RBFOX1: variants seen among roughly 807,000 people sequenced by gnomAD.
RBFOX1 encodes RNA binding fox-1 homolog 1, also known as RNA binding protein fox-1 homolog 1.
In RBFOX1, 8 loss-of-function variants were observed where a neutral mutation model predicts 57.7. The ratio of observed to expected loss-of-function variants is 0.14; its 90% CI spans 0.08 to 0.25. RBFOX1 has a LOEUF of 0.25. Ranked by LOEUF, RBFOX1 falls within the 10% of genes least tolerant of loss-of-function variation. RBFOX1 has a pLI of 1.00. For synonymous variants in RBFOX1, 326 were observed against 222.4 expected (o/e 1.47, Z -4.15); for missense variants, 611 against 548.5 (o/e 1.11, Z -1.14).
chr16:7,088,547 T>C (rs2060331282), intron 4 of RBFOX1, among the ~76,000 whole-genome samples: 1 of 151,638 alleles, frequency 6.6e-6, no homozygotes, highest in South Asian at 2.1e-4. Flanking sequence ...TTTTGTTGTT[T>C]TTTTTTCTGG....
intron 4 of RBFOX1, among the ~76,000 whole-genome samples, chr16:7,393,024 C>T (rs191740454): frequency 2.6e-5 from 4 of 152,240 alleles, no homozygotes; most frequent in Admixed American, 1.3e-4. Context: ...CAGGCCCATG[C>T]CACCACACCT....
chr16:5,699,600 A>G (rs533945655), intron 3 of RBFOX1, among the ~76,000 whole-genome samples: 1 of 152,108 alleles, frequency 6.6e-6, no homozygotes, highest in Admixed American at 6.6e-5. Flanking sequence ...GTTAAGAGAC[A>G]TTTTTGGTTG....
chr16:6,996,011 C>G (rs932051399), intron 3 of RBFOX1, among the ~76,000 whole-genome samples: 11 of 152,212 alleles, frequency 7.2e-5, no homozygotes, highest in African/African-American at 2.4e-4. Flanking sequence ...GCATACAAAT[C>G]TAAACTTCTC....
intron 4 of RBFOX1, among the ~76,000 whole-genome samples, chr16:7,128,333 G>A (rs561822415): frequency 2.4e-4 from 36 of 152,082 alleles, no homozygotes; most frequent in African/African-American, 8.7e-4. Flanking sequence ...GTAAAACTTA[G>A]TTACAGAACA....
At chr16:7,257,996 C>G (rs1261771490) in intron 4 of RBFOX1, among the ~76,000 whole-genome samples, 1 of 152,198 alleles carries the variant, frequency 6.6e-6, no homozygotes, top group East Asian at 1.9e-4. Context: ...ATCGACACAA[C>G]TCTGACATTT....
At chr16:7,533,766 C>T (rs577859880) in intron 5 of RBFOX1, among the ~76,000 whole-genome samples, 1 of 152,230 alleles carries the variant, frequency 6.6e-6, no homozygotes, top group South Asian at 2.1e-4. Flanking sequence ...GTTGAAATAT[C>T]GTAAGTTAGG....
chr16:6,160,080 C>G (rs1426769927), intron 1 of RBFOX1, among the ~76,000 whole-genome samples: 2 of 151,982 alleles, frequency 1.3e-5, no homozygotes, highest in Non-Finnish European at 2.9e-5. Context: ...TTTACTGATA[C>G]AAAAAAATGC....
At chr16:6,761,329 C>A (rs2076566172) in intron 3 of RBFOX1, among the ~76,000 whole-genome samples, 2 of 152,040 alleles carry the variant, frequency 1.3e-5, no homozygotes, top group African/African-American at 4.8e-5. Flanking sequence ...CTGAAAATGT[C>A]ACTTGTATAT....
chr16:5,966,198 T>A (rs76702839), intron 4 of RBFOX1, among the ~76,000 whole-genome samples: 1 of 152,126 alleles, frequency 6.6e-6, no homozygotes, highest in African/African-American at 2.4e-5. Flanking sequence ...CCGTGAGTGA[T>A]GCATATAGAA....
At position 6,902,984 on chromosome 16, in the gene RBFOX1, A is replaced by G. The variant is rs1020133441; in HGVS notation, c.-15-149073A>G. Among the ~76,000 whole-genome samples the G allele has an allele frequency of 3.3e-5, 5 of 152,210 alleles. No homozygotes were observed. The East Asian group carries it at 9.6e-4, about 29-fold the overall frequency. On this transcript the variant is annotated intron_variant, in intron 3 of 15. Transcript: ENST00000550418. ...GAAGATGGACATAAACAAAATAGTT[A>G]CACATCAGTCACCATGATTGATGTG...
chr16:6,598,484 A>G (rs1325131590), intron 2 of RBFOX1, among the ~76,000 whole-genome samples: 2 of 152,240 alleles, frequency 1.3e-5, no homozygotes, highest in African/African-American at 4.8e-5. Context: ...CAGTCTGTAG[A>G]AAATAAAGAG....
rs374828776 is a variant in RBFOX1, at chr16:6,185,326, T to C, written c.-126-131669T>C. ...TCTTTTCCTTCCATTCTCTCTTGAA[T>C]TCATTCCAACAAGGCTTCCCTCCTG... On this transcript the variant is annotated intron_variant, in intron 1 of 15. Transcript: ENST00000550418. 1.2e-4 allele frequency among the ~76,000 whole-genome samples: 18 copies of C among 152,334 alleles called. No homozygotes were observed. The East Asian group carries it at 3.5e-3, about 29-fold the overall frequency.
At chr16:7,425,525 A>T (rs1568829808) in intron 4 of RBFOX1, among the ~76,000 whole-genome samples, 1 of 152,244 alleles carries the variant, frequency 6.6e-6, no homozygotes, top group South Asian at 2.1e-4. Context: ...GACTTTAAAT[A>T]TCACCTTATT....
At chr16:5,709,511 C>T (rs140305387) in intron 3 of RBFOX1, among the ~76,000 whole-genome samples, 2 of 152,000 alleles carry the variant, frequency 1.3e-5, no homozygotes, top group Non-Finnish European at 2.9e-5. Flanking sequence ...TTCAGCAAGA[C>T]AAATGGATGA....
intron 4 of RBFOX1, among the ~76,000 whole-genome samples, chr16:7,217,043 C>T (rs866357701): frequency 9.2e-4 from 101 of 109,434 alleles, no homozygotes; most frequent in African/African-American, 3.5e-3. Context: ...CTCCCTCCCT[C>T]CCTCCCTCCC....
At chr16:5,861,842 C>T (rs1430353468) in intron 3 of RBFOX1, among the ~76,000 whole-genome samples, 1 of 152,176 alleles carries the variant, frequency 6.6e-6, no homozygotes, top group South Asian at 2.1e-4. Context: ...CAGATGAAAC[C>T]AGAAAACCAA....
intron 1 of RBFOX1, among the ~76,000 whole-genome samples, chr16:6,022,754 T>C (rs1277045791): frequency 6.6e-6 from 1 of 152,232 alleles, no homozygotes; most frequent in African/African-American, 2.4e-5. Flanking sequence ...TGTGATAGTA[T>C]TTAATTGTAT....
At chr16:7,012,938 C>T (rs1381064008) in intron 3 of RBFOX1, among the ~76,000 whole-genome samples, 1 of 152,072 alleles carries the variant, frequency 6.6e-6, no homozygotes, top group Non-Finnish European at 1.5e-5. Context: ...GGTGGAGGCT[C>T]TCTTTGTGGT....
intron 3 of RBFOX1, among the ~76,000 whole-genome samples, chr16:5,708,608 C>T (rs568788221): frequency 1.3e-5 from 2 of 152,154 alleles, no homozygotes; most frequent in Non-Finnish European, 2.9e-5. Flanking sequence ...CTTCCAGTTT[C>T]CAGGAGCTGG....
Sources: allele counts gnomAD v4.1 joint callset (sites outside exome capture counted in the v4.1 genomes callset), GRCh38; gene constraint gnomAD v4.1.1; transcripts MANE v1.5; gene names NCBI Gene and HGNC (gene_info 2026-07-23, HGNC 2026-07-21).